The following ZNF717 variants were observed in gnomAD, a reference collection of about 807,000 sequenced individuals.
The protein encoded by ZNF717 is krueppel-like factor X17.
Under a neutral mutation model 13.8 loss-of-function variants are expected in ZNF717, and 9 were observed. The ratio of observed to expected loss-of-function variants is 0.65; its 90% CI spans 0.39 to 1.14. ZNF717 has a LOEUF of 1.14. Among genes scored for constraint, ZNF717 ranks in the 50% most tolerant of loss-of-function variants. The probability of loss-of-function intolerance (pLI) is 0.01; values close to 1 mark genes in which losing one functional copy is unlikely to be tolerated. For missense variants in ZNF717, 1,040 were observed against 1,080.7 expected, an observed-to-expected ratio of 0.96 and a Z score of 0.53; for synonymous variants, 327 against 364.1, an observed-to-expected ratio of 0.90 and a Z score of 1.16.
intron 2 of ZNF717, among the ~76,000 whole-genome samples, chr3:75,750,176 A>G (rs796918274): frequency 6.6e-6 from 1 of 150,842 alleles, no homozygotes; most frequent in East Asian, 2.0e-4. Flanking sequence ...TGTCCCTCAC[A>G]TAGGATTGCA....
downstream of ZNF717, among the ~76,000 whole-genome samples, chr3:75,705,478 T>C: frequency 6.6e-6 from 1 of 152,312 alleles, no homozygotes; most frequent in Non-Finnish European, 1.5e-5. Context: ...TGGCTGGGGC[T>C]GAACTCCCCC....
At chr3:75,755,607 T>C (rs1335385821) in intron 2 of ZNF717, among the ~76,000 whole-genome samples, 3 of 152,214 alleles carry the variant, frequency 2.0e-5, no homozygotes, top group African/African-American at 7.2e-5. Flanking sequence ...GGTGTTTTCT[T>C]TGTTAAGCAG....
chr3:75,757,851 A>G (rs1209007723), intron 2 of ZNF717, among the ~76,000 whole-genome samples: 1 of 151,912 alleles, frequency 6.6e-6, no homozygotes, highest in Non-Finnish European at 1.5e-5. Flanking sequence ...ATGGTGGCTC[A>G]CGCCTGTAAT....
At chr3:75,767,252 A>ACACACTCCTAACC (rs1943549332) in intron 2 of ZNF717, among the ~76,000 whole-genome samples, 2 of 142,470 alleles carry the variant, frequency 1.4e-5, no homozygotes, top group East Asian at 2.1e-4. Context: ...CACTCCCAAC[A>ACACACTCCTAACC]ACTAGTGAGC....
At chr3:75,776,847 T>C (rs544298108) in intron 2 of ZNF717, among the ~76,000 whole-genome samples, 27 of 152,296 alleles carry the variant, frequency 1.8e-4, no homozygotes, top group African/African-American at 6.3e-4. Flanking sequence ...CTAACACTTA[T>C]GGCATATGGA....
Position 75,737,170 on chromosome 3 carries a change from T to G in ZNF717, c.2453A>C (p.Glu818Ala). ...HTGEKPFECKECRKTFSQKSK... is the reference protein window; with the variant it reads ...HTGEKPFECKACRKTFSQKSK... Reference sequence around the variant, plus strand: ...CTTCTGGGAGAAGGTTTTCCTACATTCTTTACATTCAAATGGCTTCTCACC... The same window carrying G: ...CTTCTGGGAGAAGGTTTTCCTACATGCTTTACATTCAAATGGCTTCTCACC... The change falls in exon 5 of 5, where the codon GAA becomes GCA. Residue 818 changes from glutamate to alanine, a missense_variant. Coordinates refer to ENST00000652011, the MANE Select transcript of ZNF717 (RefSeq NM_001290208.3). The G allele has an allele frequency of 2.6e-6, 4 of 1,557,744 alleles. No homozygotes were observed. The highest frequency in any genetic ancestry group is 3.5e-6 in the Non-Finnish European group (4 of 1,150,804).
At chr3:75,729,712 A>C (rs1159979137), downstream of ZNF717, among the ~76,000 whole-genome samples, 2 of 152,098 alleles carry the variant, frequency 1.3e-5, no homozygotes, top group South Asian at 2.1e-4. Context: ...CACACCAGAA[A>C]TTTCCTTGTG....
intron 2 of ZNF717, among the ~76,000 whole-genome samples, chr3:75,774,212 A>G (rs1048453617): frequency 2.3e-5 from 3 of 131,738 alleles, no homozygotes; most frequent in Admixed American, 7.8e-5. Context: ...AAGGAAAAAC[A>G]AGAGGCAGAT....
At chr3:75,712,008 G>C (rs77341801) in intron 5 of ZNF717, among the ~76,000 whole-genome samples, 5 of 152,230 alleles carry the variant, frequency 3.3e-5, no homozygotes, top group African/African-American at 1.2e-4. Context: ...TTAATTTCAA[G>C]TTATGTTGGA....
At chr3:75,773,260 T>C (rs1300992201) in intron 2 of ZNF717, among the ~76,000 whole-genome samples, 1 of 152,234 alleles carries the variant, frequency 6.6e-6, no homozygotes, top group South Asian at 2.1e-4. Context: ...ATATTTTAGG[T>C]AAAAATAGGA....
At chr3:75,715,981 T>G (rs77821803) in intron 5 of ZNF717, among the ~76,000 whole-genome samples, 3 of 150,992 alleles carry the variant, frequency 2.0e-5, no homozygotes, top group Admixed American at 1.3e-4. Context: ...TTTTTTTGTT[T>G]TTTTTTTTTA....
downstream of ZNF717, among the ~76,000 whole-genome samples, chr3:75,733,302 A>G (rs1938753584): frequency 1.3e-5 from 2 of 152,270 alleles, no homozygotes; most frequent in South Asian, 4.1e-4. Context: ...ATCATGTCTG[A>G]CAACTTCCAC....
At chr3:75,780,206 A>G (rs1471813589) in intron 2 of ZNF717, among the ~76,000 whole-genome samples, 1 of 151,194 alleles carries the variant, frequency 6.6e-6, no homozygotes, top group African/African-American at 2.4e-5. Context: ...GTGACGTGCT[A>G]AAACCGGAAC....
At chr3:75,776,141 A>T (rs1432215119) in intron 2 of ZNF717, among the ~76,000 whole-genome samples, 2 of 152,272 alleles carry the variant, frequency 1.3e-5, no homozygotes, top group Admixed American at 1.3e-4. Flanking sequence ...ACTTATGAAG[A>T]ACCAGGATGG....
In ZNF717 at chr3:75,738,650, T is replaced by A. The variant is rs200891949; in HGVS notation, c.973A>T (p.Ser325Cys). The stretch of plus-strand genomic sequence containing the variant: ...TGAATTCTCTGATGGATAATGAGGC[T>A]GGACTTATAGCTGAACAATTTTTCA... ...WCEKLFSYKSSLIIHQRIHTG... is the reference protein window; with the variant it reads ...WCEKLFSYKSCLIIHQRIHTG... Residue 325 changes from serine (S) to cysteine (C), a missense_variant, in exon 5 of 5, where the codon AGC becomes TGC. Physicochemically the swap from Ser to Cys is moderately radical, Grantham distance 112 (BLOSUM62 -1). This residue lies in a region of ZNF717 where 873 missense variants were observed against 832.8 expected (regional missense o/e 1.05). Transcript: ENST00000652011. The A allele has an allele frequency of 1.3e-6, 2 of 1,552,492 alleles. No individual in the cohort carries two copies. The highest frequency in any genetic ancestry group is 1.4e-5 in the African/African-American group (1 of 73,078).
chr3:75,739,404 G>T, intron 4 of ZNF717, 59 bp from the exon 5 acceptor site: 1 of 1,329,398 alleles, frequency 7.5e-7, no homozygotes. Flanking sequence ...CAGAATGCTT[G>T]TGTAAAGGTA....
intron 2 of ZNF717, among the ~76,000 whole-genome samples, chr3:75,772,203 C>T (rs1943950081): frequency 6.7e-6 from 1 of 149,184 alleles, no homozygotes; most frequent in Non-Finnish European, 1.5e-5. Flanking sequence ...AAAGGAGCTA[C>T]CCCCTGCAGG....
intron 2 of ZNF717, among the ~76,000 whole-genome samples, chr3:75,771,499 G>A (rs1440039616): frequency 6.6e-6 from 1 of 152,244 alleles, no homozygotes; most frequent in African/African-American, 2.4e-5. Context: ...GAGCAGGACT[G>A]CTAGGGCCTC....
At chr3:75,782,841 C>T (rs866431076) in intron 2 of ZNF717, among the ~76,000 whole-genome samples, 5 of 152,066 alleles carry the variant, frequency 3.3e-5, no homozygotes, top group East Asian at 1.9e-4. Context: ...CGTGCTTTAG[C>T]GGATGACGAC....
Sources: allele counts gnomAD v4.1 joint callset (sites outside exome capture counted in the v4.1 genomes callset), GRCh38; gene constraint gnomAD v4.1.1; regional missense constraint gnomAD v4.1.1; transcripts MANE v1.5; gene names NCBI Gene and HGNC (gene_info 2026-07-23, HGNC 2026-07-21).